TRPC5: variants seen among roughly 807,000 people sequenced by gnomAD.
TRPC5 encodes transient receptor potential cation channel subfamily C member 5.
Under a neutral mutation model 56.5 loss-of-function variants are expected in TRPC5, and 9 were observed. That is an observed-to-expected ratio of 0.16 (90% CI 0.10 to 0.28). The LOEUF (loss-of-function observed/expected upper bound fraction) is 0.28. Ranked by LOEUF, TRPC5 falls within the 10% of genes least tolerant of loss-of-function variation. The pLI, the probability that TRPC5 is intolerant of heterozygous loss-of-function variation, is 1.00. For synonymous variants in TRPC5, 282 were observed against 278.5 expected, an observed-to-expected ratio of 1.01 and a Z score of -0.13; for missense variants, 469 against 748.9, an observed-to-expected ratio of 0.63 and a Z score of 4.36.
At chrX:112,004,171 A>T (rs1161752124) in intron 1 of TRPC5, among the ~76,000 whole-genome samples, 1 of 111,617 alleles carries the variant, frequency 9.0e-6, no homozygotes, top group African/African-American at 3.3e-5. Flanking sequence ...GACCTGTTTG[A>T]CCCCAGAGTC....
intron 1 of TRPC5, among the ~76,000 whole-genome samples, chrX:112,057,792 T>C (rs1930374349): frequency 1.8e-5 from 2 of 112,170 alleles, no homozygotes; most frequent in Non-Finnish European, 3.8e-5. Flanking sequence ...TCTTAGTGGA[T>C]AAATGAATCC....
intron 1 of TRPC5, among the ~76,000 whole-genome samples, chrX:112,048,542 T>A (rs1243104480): frequency 9.1e-6 from 1 of 109,486 alleles, no homozygotes; most frequent in African/African-American, 3.3e-5. Context: ...AGACACATCA[T>A]CAGTATGATA....
intron 2 of TRPC5, among the ~76,000 whole-genome samples, chrX:111,926,703 C>T (rs144976702): frequency 0.041 from 4,583 of 112,171 alleles, 241 homozygotes; most frequent in African/African-American, 0.14. Context: ...TGCCACTATT[C>T]ATATTTCATG....
intron 1 of TRPC5, among the ~76,000 whole-genome samples, chrX:112,033,115 A>G (rs1401687489): frequency 1.9e-5 from 2 of 105,802 alleles, no homozygotes; most frequent in Admixed American, 2.1e-4. Context: ...AAACTATTGC[A>G]AGGACAGAAA....
At chrX:111,930,900 A>T (rs1360855294) in intron 2 of TRPC5, 1 of 123,756 alleles carries the variant, frequency 8.1e-6, no homozygotes, top group Non-Finnish European at 1.7e-5. Flanking sequence ...ATAGGGCCCC[A>T]ATCACCCTGG....
chrX:112,028,610 A>G (rs148986139), intron 1 of TRPC5, among the ~76,000 whole-genome samples: 104 of 111,962 alleles, frequency 9.3e-4, no homozygotes, highest in African/African-American at 3.0e-3. Flanking sequence ...TGAACTCATC[A>G]TTTTTTATGG....
At chrX:112,034,407 A>G (rs1430117993) in intron 1 of TRPC5, among the ~76,000 whole-genome samples, 1 of 108,479 alleles carries the variant, frequency 9.2e-6, no homozygotes, top group Non-Finnish European at 1.9e-5. Context: ...ACTATGGTGA[A>G]TTAAATTATT....
chrX:111,976,111 C>G (rs1207455880), intron 1 of TRPC5, among the ~76,000 whole-genome samples: 1 of 111,628 alleles, frequency 9.0e-6, no homozygotes, highest in Admixed American at 9.5e-5. Flanking sequence ...ACCATCTATT[C>G]ATGATAAAAC....
intron 7 of TRPC5, among the ~76,000 whole-genome samples, chrX:111,825,165 TTCTTTCTTTCTTTC>T (rs1922166722): frequency 1.4e-5 from 1 of 72,780 alleles, no homozygotes; most frequent in Non-Finnish European, 2.5e-5. Flanking sequence ...CTTTCTTTCT[TTCTTTCTTTCTTTC>T]TTTCTTTCTT....
intron 1 of TRPC5, among the ~76,000 whole-genome samples, chrX:111,987,891 C>T (rs995292637): frequency 6.2e-5 from 7 of 112,206 alleles, no homozygotes; most frequent in African/African-American, 2.3e-4. Flanking sequence ...CTGGAGAGGG[C>T]ACTCTACTTT....
At chrX:111,881,758 G>A (rs1282091734) in intron 3 of TRPC5, 1 of 110,850 alleles carries the variant, frequency 9.0e-6, no homozygotes, top group East Asian at 2.8e-4. Context: ...AAGCAGTAGA[G>A]TCTCCTCCCC....
At chrX:111,966,908 C>G (rs1356540302) in intron 1 of TRPC5, among the ~76,000 whole-genome samples, 10 of 103,032 alleles carry the variant, frequency 9.7e-5, no homozygotes, top group African/African-American at 1.2e-4. Flanking sequence ...CATTCCCTTT[C>G]AAAACTGGCA....
chrX:111,937,066 G>C (rs1265746492), intron 2 of TRPC5, among the ~76,000 whole-genome samples: 1 of 105,480 alleles, frequency 9.5e-6, no homozygotes, highest in African/African-American at 3.7e-5. Flanking sequence ...TCTCATTGTG[G>C]TTTTGATTTG....
chrX:111,824,582 T>G (rs940055132), intron 7 of TRPC5, among the ~76,000 whole-genome samples: 1 of 111,383 alleles, frequency 9.0e-6, no homozygotes, highest in Non-Finnish European at 1.9e-5. Flanking sequence ...AGGAGGGGCC[T>G]GGGGCTTTTC....
chrX:111,966,761 T>C (rs1338553207), intron 1 of TRPC5, among the ~76,000 whole-genome samples: 47 of 111,886 alleles, frequency 4.2e-4, no homozygotes, highest in Admixed American at 3.7e-3. Context: ...CAGAAAAGGC[T>C]TTTGACAAAA....
chrX:111,952,782 C>T (rs1167399353), intron 1 of TRPC5, among the ~76,000 whole-genome samples: 9 of 111,366 alleles, frequency 8.1e-5, no homozygotes, highest in Non-Finnish European at 1.9e-5. Flanking sequence ...TTACTGTGTG[C>T]CAGGTCCTGT....
intron 7 of TRPC5, among the ~76,000 whole-genome samples, chrX:111,794,745 G>A (rs1169855058): frequency 1.8e-5 from 2 of 111,101 alleles, no homozygotes; most frequent in Non-Finnish European, 3.8e-5. Flanking sequence ...AGCAAAAGGG[G>A]GAAAGGCAAT....
intron 3 of TRPC5, among the ~76,000 whole-genome samples, chrX:111,880,672 G>A (rs747661096): frequency 2.1e-4 from 24 of 112,217 alleles, no homozygotes; most frequent in Non-Finnish European, 4.3e-4. Flanking sequence ...CTCCTAATGT[G>A]CAATGAATCA....
chrX:111,945,243 G>A (rs978338342), intron 2 of TRPC5, among the ~76,000 whole-genome samples: 1 of 108,578 alleles, frequency 9.2e-6, no homozygotes, highest in African/African-American at 3.4e-5. Flanking sequence ...TACAGTCAGT[G>A]GCTCAAAGGT....
Sources: allele counts gnomAD v4.1 joint callset (sites outside exome capture counted in the v4.1 genomes callset), GRCh38; gene constraint gnomAD v4.1.1; transcripts MANE v1.5; gene names NCBI Gene and HGNC (gene_info 2026-07-23, HGNC 2026-07-21).